The following FSTL5 variants were observed in gnomAD, a reference collection of about 807,000 sequenced individuals.
The protein encoded by FSTL5 is follistatin like 5.
In FSTL5, 62 loss-of-function variants were observed where a neutral mutation model predicts 89.1. The observed-to-expected ratio is 0.70, with a 90% CI of 0.57 to 0.86. The LOEUF is 0.86. Among genes scored for constraint, FSTL5 ranks in the 40% least tolerant of loss-of-function variants. The probability of loss-of-function intolerance (pLI) is 0.00; values close to 1 mark genes in which losing one functional copy is unlikely to be tolerated. For missense variants in FSTL5, 1,057 were observed against 1,001.6 expected, an observed-to-expected ratio of 1.06 and a Z score of -0.75; for synonymous variants, 383 against 346.2, an observed-to-expected ratio of 1.11 and a Z score of -1.18.
At chr4:161,520,270 C>T (rs1167894557) in intron 10 of FSTL5, among the ~76,000 whole-genome samples, 1 of 151,552 alleles carries the variant, frequency 6.6e-6, no homozygotes, top group Admixed American at 6.6e-5. Flanking sequence ...TAATTATATT[C>T]CTACTACATA....
chr4:161,470,847 T>A (rs1404345009), intron 13 of FSTL5, among the ~76,000 whole-genome samples: 1 of 152,220 alleles, frequency 6.6e-6, no homozygotes, highest in East Asian at 1.9e-4. Context: ...TATTATGCTA[T>A]GACAAGTTGA....
chr4:161,779,654 T>C (rs1014219579), intron 4 of FSTL5, among the ~76,000 whole-genome samples: 7 of 150,800 alleles, frequency 4.6e-5, no homozygotes, highest in African/African-American at 1.7e-4. Context: ...CTAACTTTAT[T>C]TCTCTCATTT....
At chr4:161,797,228 T>C (rs1181895309) in intron 4 of FSTL5, among the ~76,000 whole-genome samples, 1 of 151,632 alleles carries the variant, frequency 6.6e-6, no homozygotes, top group Non-Finnish European at 1.5e-5. Flanking sequence ...TGTTTTGAGA[T>C]TTCTGAGGGT....
At chr4:161,995,903 T>C (rs1736281210) in intron 3 of FSTL5, among the ~76,000 whole-genome samples, 1 of 152,006 alleles carries the variant, frequency 6.6e-6, no homozygotes, top group East Asian at 1.9e-4. Context: ...AACTTAAATC[T>C]TGTTACTCTC....
At position 161,724,483 on chromosome 4, in the gene FSTL5, G is replaced by A. The variant is rs1739324386; in HGVS notation, c.727+34928C>T. On this transcript the variant is annotated intron_variant, in intron 6 of 15. Transcript: ENST00000306100. ...ATACAAAATAGTTGTACATGTATAT[G>A]AAGGAATATATAATATGAAGAAATA... 2.6e-5 allele frequency among the ~76,000 whole-genome samples: 4 copies of A among 152,136 alleles called. No individual in the cohort carries two copies. In the South Asian group the frequency reaches 8.3e-4, roughly 32 times the overall value.
chr4:162,047,228 T>C (rs1738215769), intron 2 of FSTL5: 1 of 152,068 alleles, frequency 6.6e-6, no homozygotes, highest in Non-Finnish European at 1.5e-5. Context: ...AGACAGAGAA[T>C]TGGTTGTAGA....
intron 3 of FSTL5, among the ~76,000 whole-genome samples, chr4:161,939,794 C>T (rs1193353759): frequency 2.0e-5 from 3 of 151,862 alleles, no homozygotes; most frequent in Admixed American, 2.0e-4. Flanking sequence ...AAAATGTTAT[C>T]AGTGATATTA....
intron 6 of FSTL5, among the ~76,000 whole-genome samples, chr4:161,686,522 C>T (rs946868888): frequency 6.6e-6 from 1 of 150,624 alleles, no homozygotes; most frequent in East Asian, 2.0e-4. Context: ...CCATGCCCAG[C>T]TAATTTTTTT....
At chr4:161,840,155 C>T (rs565066705) in intron 4 of FSTL5, among the ~76,000 whole-genome samples, 3 of 151,820 alleles carry the variant, frequency 2.0e-5, no homozygotes, top group African/African-American at 4.8e-5. Flanking sequence ...AGAGCGTCAC[C>T]GTGTTTGGCA....
At chr4:161,783,329 C>A in intron 4 of FSTL5, among the ~76,000 whole-genome samples, 1 of 152,004 alleles carries the variant, frequency 6.6e-6, no homozygotes, top group East Asian at 1.9e-4. Flanking sequence ...TATATGAGAG[C>A]TAATGCTCTT....
chr4:161,909,172 C>T (rs2314273), intron 4 of FSTL5, among the ~76,000 whole-genome samples: 132,724 of 152,038 alleles, frequency 0.87, 58,982 homozygotes, highest in Non-Finnish European at 0.96. Context: ...GGATGTAGAG[C>T]TGGCTGGGGA....
At chr4:161,400,833 A>T (rs948301137) in intron 15 of FSTL5, among the ~76,000 whole-genome samples, 2 of 152,100 alleles carry the variant, frequency 1.3e-5, no homozygotes, top group African/African-American at 4.8e-5. Context: ...ATTGGAATAA[A>T]CTATTTCTCC....
At chr4:161,395,645 C>T (rs1730971326) in intron 15 of FSTL5, among the ~76,000 whole-genome samples, 1 of 151,794 alleles carries the variant, frequency 6.6e-6, no homozygotes, top group South Asian at 2.1e-4. Flanking sequence ...AAAAGACAGC[C>T]AATAGGTTTT....
At chr4:161,468,503 G>C (rs1403291706) in intron 13 of FSTL5, among the ~76,000 whole-genome samples, 1 of 152,058 alleles carries the variant, frequency 6.6e-6, no homozygotes, top group African/African-American at 2.4e-5. Context: ...ATATTCCTCA[G>C]GTTAGTTGAG....
chr4:161,669,592 A>T (rs1179032858), intron 6 of FSTL5, among the ~76,000 whole-genome samples: 5 of 149,320 alleles, frequency 3.3e-5, no homozygotes, highest in Admixed American at 6.6e-5. Context: ...ATTCACATTT[A>T]AAAAAAAATG....
intron 6 of FSTL5, among the ~76,000 whole-genome samples, chr4:161,698,646 A>G (rs1738270039): frequency 6.6e-6 from 1 of 152,106 alleles, no homozygotes. Flanking sequence ...GAAGAGGAGA[A>G]GGCCAGGCGC....
chr4:161,998,110 T>C (rs1736355489), intron 3 of FSTL5, among the ~76,000 whole-genome samples: 1 of 152,162 alleles, frequency 6.6e-6, no homozygotes, highest in Non-Finnish European at 1.5e-5. Context: ...GTCTACTCTT[T>C]GCTTTAGAAT....
intron 1 of FSTL5, among the ~76,000 whole-genome samples, chr4:162,119,316 T>C (rs944633460): frequency 1.1e-4 from 16 of 152,090 alleles, no homozygotes; most frequent in African/African-American, 3.6e-4. Flanking sequence ...CAACTAATTA[T>C]TCATACTGAA....
At chr4:162,148,690 C>T (rs1047717027) in intron 1 of FSTL5, among the ~76,000 whole-genome samples, 1 of 152,104 alleles carries the variant, frequency 6.6e-6, no homozygotes, top group Admixed American at 6.6e-5. Flanking sequence ...GTTAATCTTA[C>T]ACATGTAACA....
Sources: gnomAD v4.1 joint callset for allele counts (sites outside exome capture counted in the v4.1 genomes callset) on GRCh38, gnomAD v4.1.1 for gene constraint, MANE v1.5 for transcripts, NCBI Gene and HGNC (gene_info 2026-07-23, HGNC 2026-07-21) for gene names.